The following IPO11 variants were observed in gnomAD, a reference collection of about 807,000 sequenced individuals.
IPO11 encodes importin-11.
IPO11 carries 66 observed loss-of-function variants against 143.2 expected under a neutral mutation model. That is an observed-to-expected ratio of 0.46 (90% CI 0.38 to 0.57). The LOEUF (loss-of-function observed/expected upper bound fraction) is 0.57. Ranked by LOEUF, IPO11 falls within the 20% of genes least tolerant of loss-of-function variation. IPO11 has a pLI of 0.00. For missense variants in IPO11, 1,026 were observed against 1,141.0 expected, an observed-to-expected ratio of 0.90 and a Z score of 1.45; for synonymous variants, 385 against 377.8, an observed-to-expected ratio of 1.02 and a Z score of -0.22.
intron 1 of IPO11, among the ~76,000 whole-genome samples, chr5:62,416,784 G>T (rs1175012769): frequency 6.7e-6 from 1 of 150,350 alleles, no homozygotes; most frequent in Non-Finnish European, 1.5e-5. Flanking sequence ...GAGTGCAGTG[G>T]TGCTATCTTG....
At position 62,515,916 on chromosome 5, in the gene IPO11, G is replaced by A. The variant is rs2112286569; in HGVS notation, c.1896+415G>A. Among the ~76,000 whole-genome samples, 2 of 152,314 alleles carry A rather than the reference G, an allele frequency of 1.3e-5. 1 individual carries two copies. The highest frequency in any genetic ancestry group is 4.1e-4 in the South Asian group (2 of 4,830). On this transcript the variant is annotated intron_variant, in intron 20 of 29. Transcript: ENST00000325324. ...ACCAGGTGAGTTGCTTTTGAGGGGA[G>A]ACAAGTGAATTGGATCTCAGACATT...
chr5:62,553,714 T>C (rs1437595614), intron 26 of IPO11, among the ~76,000 whole-genome samples: 2 of 151,850 alleles, frequency 1.3e-5, no homozygotes, highest in Non-Finnish European at 2.9e-5. Flanking sequence ...CTCATTGTGG[T>C]TGTGATTTGC....
chr5:62,554,522 G>A (rs1580319417), intron 26 of IPO11, among the ~76,000 whole-genome samples: 2 of 151,960 alleles, frequency 1.3e-5, no homozygotes, highest in African/African-American at 2.4e-5. Context: ...TGGCACCATC[G>A]TTGAAGTAAC....
intron 1 of IPO11, among the ~76,000 whole-genome samples, chr5:62,413,859 C>G (rs574922989): frequency 1.4e-4 from 22 of 152,340 alleles, no homozygotes; most frequent in African/African-American, 4.6e-4. Context: ...GGCAGGGTGA[C>G]TCTTCTATAG....
intron 22 of IPO11, 113 bp from the exon 23 acceptor site, chr5:62,536,589 G>T: frequency 8.2e-7 from 1 of 1,218,886 alleles, no homozygotes; most frequent in East Asian, 3.0e-5. Flanking sequence ...GTACTCGGAA[G>T]AGGTTTCTAG....
At chr5:62,434,299 C>CT (rs34058984) in intron 1 of IPO11, among the ~76,000 whole-genome samples, 43,264 of 151,116 alleles carry the variant, frequency 0.29, 6,846 homozygotes, top group East Asian at 0.46. Context: ...TGCAGTCAGT[C>CT]TTTTTTTTTG....
intron 5 of IPO11, among the ~76,000 whole-genome samples, chr5:62,453,564 G>A (rs1484790692): frequency 6.6e-6 from 1 of 152,176 alleles, no homozygotes; most frequent in African/African-American, 2.4e-5. Context: ...TTTGTCTTGG[G>A]CTCACAGTGT....
intron 10 of IPO11, 158 bp downstream of exon 10, chr5:62,483,451 T>TAAAC: frequency 1.9e-6 from 1 of 531,360 alleles, no homozygotes; most frequent in Non-Finnish European, 3.2e-6. Context: ...TTAGTATGTT[T>TAAAC]ATACTAGCTT....
chr5:62,537,121 A>G (rs1742761252), intron 23 of IPO11, 88 bp from the exon 24 acceptor site: 2 of 783,952 alleles, frequency 2.6e-6, no homozygotes, highest in Non-Finnish European at 4.3e-6. Context: ...ATTCTCAAGT[A>G]TATTATAATG....
At chr5:62,590,165 G>A (rs374009782) in intron 27 of IPO11, among the ~76,000 whole-genome samples, 66 of 152,324 alleles carry the variant, frequency 4.3e-4, no homozygotes, top group African/African-American at 1.5e-3. Flanking sequence ...TCCTTGCTCA[G>A]GGGCTGTTCC....
At chr5:62,435,154 A>G (rs796774958) in intron 1 of IPO11, among the ~76,000 whole-genome samples, 4,789 of 61,568 alleles carry the variant, frequency 0.078, 304 homozygotes, top group East Asian at 0.16. Flanking sequence ...GTATATATGT[A>G]TATATATGTA....
chr5:62,529,685 G>A (rs184892418), intron 21 of IPO11, among the ~76,000 whole-genome samples: 2 of 152,146 alleles, frequency 1.3e-5, no homozygotes, highest in African/African-American at 4.8e-5. Flanking sequence ...GGGGCCAGGG[G>A]TTCTTTACAG....
chr5:62,579,759 G>A (rs1290101985), intron 27 of IPO11: 19 of 1,544,936 alleles, frequency 1.2e-5, no homozygotes, highest in Non-Finnish European at 1.7e-5. Flanking sequence ...TTGTTCAATT[G>A]AGGCATCTAT....
intron 28 of IPO11, among the ~76,000 whole-genome samples, chr5:62,591,980 G>A (rs1235358985): frequency 1.3e-5 from 2 of 152,096 alleles, no homozygotes; most frequent in Admixed American, 1.3e-4. Flanking sequence ...TTCCCGAGTA[G>A]CTGAGATTAC....
At chr5:62,519,620 A>G (rs1742140687) in intron 20 of IPO11, among the ~76,000 whole-genome samples, 1 of 152,178 alleles carries the variant, frequency 6.6e-6, no homozygotes, top group African/African-American at 2.4e-5. Flanking sequence ...TAGTGTTTCC[A>G]ACCTCCACCC....
At chr5:62,619,884 A>G (rs1201820797) in intron 29 of IPO11, among the ~76,000 whole-genome samples, 1 of 152,066 alleles carries the variant, frequency 6.6e-6, no homozygotes, top group Non-Finnish European at 1.5e-5. Context: ...CTGCACAAAC[A>G]TACCACTGGA....
intron 28 of IPO11, among the ~76,000 whole-genome samples, chr5:62,593,459 G>A (rs1745107538): frequency 1.3e-5 from 2 of 152,068 alleles, no homozygotes; most frequent in South Asian, 4.1e-4. Context: ...GACCAGCCTG[G>A]CCAACATGGG....
chr5:62,512,864 G>A (rs1741811783), intron 19 of IPO11, among the ~76,000 whole-genome samples: 1 of 143,768 alleles, frequency 7.0e-6, no homozygotes, highest in Non-Finnish European at 1.5e-5. Context: ...AACCCTGAGT[G>A]GACACAGCAC....
chr5:62,562,919 T>C (rs1386092104), intron 27 of IPO11, among the ~76,000 whole-genome samples: 1 of 152,226 alleles, frequency 6.6e-6, no homozygotes, highest in Non-Finnish European at 1.5e-5. Flanking sequence ...GGTATAGACA[T>C]GATTATCCCT....
Sources: gnomAD v4.1 joint callset for allele counts (sites outside exome capture counted in the v4.1 genomes callset) on GRCh38, gnomAD v4.1.1 for gene constraint, MANE v1.5 for transcripts, NCBI Gene and HGNC (gene_info 2026-07-23, HGNC 2026-07-21) for gene names.